Variants in GLRB observed in about 807,000 individuals in gnomAD.
GLRB encodes glycine receptor beta, also known as glycine receptor subunit beta.
A neutral mutation model predicts 54.2 loss-of-function variants in GLRB; 33 were observed. The observed-to-expected ratio is 0.61, with a 90% CI of 0.46 to 0.81. GLRB has a LOEUF of 0.81. GLRB is among the 40% of genes least tolerant of loss of function. The pLI, the probability that GLRB is intolerant of heterozygous loss-of-function variation, is 0.00. For missense variants in GLRB, 572 were observed against 584.6 expected, an observed-to-expected ratio of 0.98 and a Z score of 0.22; for synonymous variants, 209 against 208.2, an observed-to-expected ratio of 1.00 and a Z score of -0.03.
intron 9 of GLRB, among the ~76,000 whole-genome samples, chr4:157,160,046 T>C (rs58101233): frequency 0.034 from 5,101 of 152,232 alleles, 82 homozygotes; most frequent in Middle Eastern, 0.055. Flanking sequence ...TCAACTTCTT[T>C]CTGGTTTAGC....
intron 2 of GLRB, among the ~76,000 whole-genome samples, chr4:157,099,126 C>G (rs1734922703): frequency 6.6e-6 from 1 of 152,006 alleles, no homozygotes; most frequent in South Asian, 2.1e-4. Context: ...TGTGTCTGGT[C>G]TTATCATAGG....
Position 157,166,132 on chromosome 4 carries a change from CG to C in GLRB, c.1198-4299del, listed in dbSNP as rs976123392. Among the ~76,000 whole-genome samples the C allele has an allele frequency of 4.3e-5, 6 of 138,036 alleles. 1 individual carries two copies. The highest frequency in any genetic ancestry group is 7.0e-3 in the Middle Eastern group (2 of 284). 90.6% of individuals were successfully genotyped at this position (138,036 alleles called of 152,430 possible). On this transcript the variant is annotated intron_variant, in intron 9 of 9. Transcript: ENST00000264428. Reference sequence around the variant, plus strand: ...GGCATTAGAAAGTTATTAATAGCATCGTTTTTTTATTCTTGACAGTTTCATT... The same window carrying C: ...GGCATTAGAAAGTTATTAATAGCATCTTTTTTTATTCTTGACAGTTTCATT...
intron 2 of GLRB, among the ~76,000 whole-genome samples, chr4:157,090,084 C>T (rs957561754): frequency 6.6e-6 from 1 of 152,136 alleles, no homozygotes; most frequent in African/African-American, 2.4e-5. Flanking sequence ...ATTCCTGAAC[C>T]TGATCCTGTC....
At chr4:157,168,310 T>C (rs1737793006) in intron 9 of GLRB, among the ~76,000 whole-genome samples, 1 of 152,138 alleles carries the variant, frequency 6.6e-6, no homozygotes, top group South Asian at 2.1e-4. Flanking sequence ...GCCACTTTTT[T>C]CACATTGGCC....
chr4:157,130,205 A>G (rs1354550827), intron 4 of GLRB, among the ~76,000 whole-genome samples: 1 of 151,604 alleles, frequency 6.6e-6, no homozygotes, highest in Non-Finnish European at 1.5e-5. Context: ...TGTTTTTGAT[A>G]CACCACTGTA....
At chr4:157,127,812 A>G (rs968933617) in intron 4 of GLRB, among the ~76,000 whole-genome samples, 2 of 151,868 alleles carry the variant, frequency 1.3e-5, no homozygotes, top group African/African-American at 4.8e-5. Context: ...CTTCAAAGGA[A>G]CCAGCCCCTC....
intron 2 of GLRB, among the ~76,000 whole-genome samples, chr4:157,093,496 T>G (rs1490910668): frequency 6.6e-6 from 1 of 152,074 alleles, no homozygotes; most frequent in Non-Finnish European, 1.5e-5. Context: ...ATCCCAGCAC[T>G]TTGGGAGGCT....
chr4:157,164,317 C>A, intron 9 of GLRB, among the ~76,000 whole-genome samples: 1 of 152,096 alleles, frequency 6.6e-6, no homozygotes, highest in East Asian at 1.9e-4. Context: ...TTTCTCCAGG[C>A]CAGAAATGGA....
intron 2 of GLRB, among the ~76,000 whole-genome samples, chr4:157,118,944 G>C (rs1217086345): frequency 6.6e-6 from 1 of 151,350 alleles, no homozygotes; most frequent in Non-Finnish European, 1.5e-5. Flanking sequence ...TGTGTGTGTA[G>C]GTAATGGGAA....
intron 2 of GLRB, among the ~76,000 whole-genome samples, chr4:157,118,629 T>C (rs1448205876): frequency 1.3e-5 from 2 of 151,714 alleles, no homozygotes; most frequent in Non-Finnish European, 3.0e-5. Flanking sequence ...TGAATTTCTA[T>C]TTGAAAGGGT....
At position 157,147,309 on chromosome 4, in the gene GLRB, A is replaced by G. The variant is rs541737135; in HGVS notation, c.904+3350A>G. Among the ~76,000 whole-genome samples, 40 of 152,314 alleles carry G rather than the reference A, an allele frequency of 2.6e-4. No individual in the cohort carries two copies. In the South Asian group the frequency reaches 8.3e-3, roughly 32 times the overall value. ...CAAGTGAACAAAGTATTTCTAGGTC[A>G]AGAAAGTGACCAACCAACTGTTCAT... On this transcript the variant is annotated intron_variant, in intron 8 of 9. Transcript: ENST00000264428.
intron 4 of GLRB, among the ~76,000 whole-genome samples, chr4:157,133,552 A>T (rs947376763): frequency 6.6e-6 from 1 of 151,948 alleles, no homozygotes; most frequent in African/African-American, 2.4e-5. Context: ...TTATTTTTTT[A>T]AAAGCAAGGG....
At chr4:157,159,036 A>T (rs1173700972) in intron 9 of GLRB, among the ~76,000 whole-genome samples, 2 of 152,128 alleles carry the variant, frequency 1.3e-5, no homozygotes, top group African/African-American at 4.8e-5. Flanking sequence ...CTCCTTGAAG[A>T]GGTCCTCCAC....
intron 2 of GLRB, among the ~76,000 whole-genome samples, chr4:157,081,523 C>T (rs1030262295): frequency 1.3e-5 from 2 of 152,194 alleles, no homozygotes; most frequent in Non-Finnish European, 2.9e-5. Flanking sequence ...CCTCTTCTCA[C>T]CAGATGACAC....
intron 4 of GLRB, among the ~76,000 whole-genome samples, chr4:157,132,158 A>T (rs1736239900): frequency 6.6e-6 from 1 of 151,824 alleles, no homozygotes; most frequent in Non-Finnish European, 1.5e-5. Flanking sequence ...ATGTCAAAGG[A>T]TGTTGAACAT....
At chr4:157,162,959 C>T (rs1737566992) in intron 9 of GLRB, among the ~76,000 whole-genome samples, 1 of 152,170 alleles carries the variant, frequency 6.6e-6, no homozygotes, top group South Asian at 2.1e-4. Context: ...GCAGGCAGGC[C>T]TCCTTGTGCT....
At chr4:157,117,634 C>CCACAGGA (rs1194363105) in intron 2 of GLRB, among the ~76,000 whole-genome samples, 1 of 151,636 alleles carries the variant, frequency 6.6e-6, no homozygotes, top group African/African-American at 2.4e-5. Context: ...TAAGAGAGTG[C>CCACAGGA]CACAGGACAA....
intron 7 of GLRB, among the ~76,000 whole-genome samples, chr4:157,141,005 G>A (rs1363404186): frequency 6.6e-6 from 1 of 151,694 alleles, no homozygotes; most frequent in Non-Finnish European, 1.5e-5. Flanking sequence ...GTGAATAAAA[G>A]AAAGGTCCCT....
intron 9 of GLRB, among the ~76,000 whole-genome samples, chr4:157,161,972 C>G (rs1737514306): frequency 6.6e-6 from 1 of 152,228 alleles, no homozygotes; most frequent in Admixed American, 6.5e-5. Flanking sequence ...GTACACCAGT[C>G]AGACGTAGAT....
Sources: gnomAD v4.1 joint callset for allele counts (sites outside exome capture counted in the v4.1 genomes callset) on GRCh38, gnomAD v4.1.1 for gene constraint, MANE v1.5 for transcripts, NCBI Gene and HGNC (gene_info 2026-07-23, HGNC 2026-07-21) for gene names.